The following WASF3 variants were observed in gnomAD, a reference collection of about 807,000 sequenced individuals.
WASF3 encodes the protein actin-binding protein WASF3.
A neutral mutation model predicts 46.6 loss-of-function variants in WASF3; 11 were observed. That is an observed-to-expected ratio of 0.24 (90% CI 0.15 to 0.39). The LOEUF (loss-of-function observed/expected upper bound fraction) is 0.39, where lower values mean the gene tolerates loss of function less well. Ranked by LOEUF, WASF3 falls within the 10% of genes least tolerant of loss-of-function variation. The pLI, the probability that WASF3 is intolerant of heterozygous loss-of-function variation, is 1.00. For missense variants in WASF3, 576 were observed against 669.8 expected (o/e 0.86, Z 1.55); for synonymous variants, 242 against 259.7 (o/e 0.93, Z 0.65).
chr13:26,547,284 C>A, the WASF3 span, among the ~76,000 whole-genome samples: 1 of 151,934 alleles, frequency 6.6e-6, no homozygotes, highest in Non-Finnish European at 1.5e-5. Flanking sequence ...TAAATCTGTG[C>A]AATAATATAG....
rs1400843505 is a variant in WASF3 at position 26,679,888 on chromosome 13, CTG to C, written c.717-1164_717-1163del. ...TTAAGGAAGGAAAAAGGAAAAGAAG[CTG>C]TCTCTTCTCATTTGGAAGGCTTTTC... On this transcript the variant is annotated intron_variant, in intron 7 of 9. Transcript: ENST00000335327. The surrounding 1 kb of genome is among the most constrained non-coding windows in gnomAD (Gnocchi z 4.8). 1 of 841,756 alleles carries C rather than the reference CTG, an allele frequency of 1.2e-6. No homozygotes were observed. The highest frequency in any genetic ancestry group is 2.7e-5 in the East Asian group (1 of 36,472). The allele number at this position is 841,756 out of a possible 1,614,324, so 52.1% of individuals were successfully genotyped here.
At chr13:26,551,229 G>T in the WASF3 span, among the ~76,000 whole-genome samples, 2 of 152,224 alleles carry the variant, frequency 1.3e-5, no homozygotes, top group East Asian at 1.9e-4. Flanking sequence ...CCTGTTAAGC[G>T]TGCAGAACTG....
intron 3 of WASF3, among the ~76,000 whole-genome samples, chr13:26,647,199 G>A (rs542432678): frequency 1.3e-5 from 2 of 148,420 alleles, no homozygotes; most frequent in South Asian, 2.2e-4. Context: ...CATGAATGAC[G>A]ATATAGTTTA....
chr13:26,681,448 T>G, intron 8 of WASF3, 128 bp downstream of exon 8: 1 of 1,112,928 alleles, frequency 9.0e-7, no homozygotes, highest in Non-Finnish European at 1.2e-6. Context: ...TGGATGTAGA[T>G]ACTAGCAACT....
intron 1 of WASF3, among the ~76,000 whole-genome samples, chr13:26,559,813 T>TTCTTTCTTTCTTTC (rs1879232356): frequency 1.1e-5 from 1 of 93,284 alleles, no homozygotes; most frequent in Non-Finnish European, 2.2e-5. Flanking sequence ...TCTTTCTTTT[T>TTCTTTCTTTCTTTC]TTTTTTTTTT....
chr13:26,589,517 A>T (rs1880227875), intron 1 of WASF3, among the ~76,000 whole-genome samples: 1 of 152,182 alleles, frequency 6.6e-6, no homozygotes, highest in African/African-American at 2.4e-5. Context: ...TGCAAGCCTG[A>T]TGTGGCATCG....
chr13:26,542,268 G>T, the WASF3 span, among the ~76,000 whole-genome samples: 3 of 152,182 alleles, frequency 2.0e-5, no homozygotes, highest in African/African-American at 7.2e-5. Context: ...TGCCTTGTGG[G>T]TTATAAATAA....
chr13:26,662,262 A>T (rs1427148552), intron 3 of WASF3, among the ~76,000 whole-genome samples: 1 of 152,270 alleles, frequency 6.6e-6, no homozygotes, highest in East Asian at 1.9e-4. Flanking sequence ...CAAAGAACTT[A>T]AAACAGAACT....
intron 2 of WASF3, among the ~76,000 whole-genome samples, chr13:26,622,975 T>C (rs1483506157): frequency 6.6e-6 from 1 of 152,158 alleles, no homozygotes; most frequent in Non-Finnish European, 1.5e-5. Flanking sequence ...AAGCAATAAC[T>C]TTTCTTAAAT....
rs1883154227 is a variant in WASF3, at chr13:26,679,170, C to T, written c.717-1884C>T. Among the ~76,000 whole-genome samples, 1 of 152,172 alleles carries T rather than the reference C, an allele frequency of 6.6e-6. No homozygotes were observed. Among genetic ancestry groups the T allele is most frequent in the Non-Finnish European group, 1.5e-5 (1 of 68,028 alleles). ...ATCATGAGGCCTCGGGATCTCCACT[C>T]ACCTCCACCTTGGCCGTGCGTCTGC... On this transcript the variant is annotated intron_variant, in intron 7 of 9. Transcript: ENST00000335327. The surrounding 1 kb of genome is among the most constrained non-coding windows in gnomAD (Gnocchi z 4.8).
Position 26,657,064 on chromosome 13 carries a change from G to A in WASF3, c.134-7964G>A, listed in dbSNP as rs577450843. ...CTGCTGGTCTTGTATATACAACAGA[G>A]GGTTGAATTACGACCAGAAGGGGGA... On this transcript the variant is annotated intron_variant, in intron 3 of 9. Transcript: ENST00000335327. Among the ~76,000 whole-genome samples the A allele has an allele frequency of 2.0e-5, 3 of 152,294 alleles. No homozygotes were observed. The South Asian group carries it at 6.2e-4, about 32-fold the overall frequency.
intron 4 of WASF3, among the ~76,000 whole-genome samples, chr13:26,665,957 G>T (rs1882756453): frequency 6.6e-6 from 1 of 152,052 alleles, no homozygotes; most frequent in African/African-American, 2.4e-5. Flanking sequence ...GCTTTGAAAA[G>T]ATCCTAGTGT....
intron 3 of WASF3, among the ~76,000 whole-genome samples, chr13:26,649,716 G>T (rs987259156): frequency 1.3e-5 from 2 of 152,146 alleles, no homozygotes; most frequent in Non-Finnish European, 2.9e-5. Flanking sequence ...AACCTTACCA[G>T]GTTCTTACAT....
chr13:26,680,953 G>A, intron 7 of WASF3, 101 bp from the exon 8 acceptor site: 2 of 1,405,146 alleles, frequency 1.4e-6, no homozygotes, highest in Non-Finnish European at 9.7e-7. Flanking sequence ...TCTGATTTTT[G>A]TGTATTAGCA....
the WASF3 span, among the ~76,000 whole-genome samples, chr13:26,545,301 CT>C: frequency 1.3e-5 from 2 of 152,150 alleles, no homozygotes; most frequent in South Asian, 4.1e-4. Context: ...TTCATTGTCT[CT>C]TTTTATCATT....
chr13:26,643,547 T>C (rs568587055), intron 3 of WASF3, among the ~76,000 whole-genome samples: 1 of 152,334 alleles, frequency 6.6e-6, no homozygotes, highest in East Asian at 1.9e-4. Context: ...TATGATTGAC[T>C]TTTGGTAGTG....
At chr13:26,590,453 C>A (rs781426163) in intron 1 of WASF3, among the ~76,000 whole-genome samples, 1 of 152,076 alleles carries the variant, frequency 6.6e-6, no homozygotes, top group South Asian at 2.1e-4. Flanking sequence ...TTCTTTTTCT[C>A]TTTAAATGTC....
intron 1 of WASF3, among the ~76,000 whole-genome samples, chr13:26,592,035 T>A (rs922791493): frequency 2.6e-5 from 4 of 151,748 alleles, no homozygotes; most frequent in African/African-American, 9.7e-5. Context: ...AGTTTTTTTT[T>A]TTTTTTTTTT....
chr13:26,674,274 G>A lies in WASF3; in HGVS notation c.541-2275G>A, dbSNP rs78863297. On this transcript the variant is annotated intron_variant, in intron 6 of 9. Coordinates refer to ENST00000335327, the MANE Select transcript of WASF3 (RefSeq NM_006646.6). ...CAGCATGCATCTTTTAAAAAGTAAG[G>A]GGAATAGTTATTCATTATTTTTACA... Among the ~76,000 whole-genome samples, 714 of 152,178 alleles carry A rather than the reference G, an allele frequency of 4.7e-3. 7 individuals are homozygous for A. Among genetic ancestry groups the A allele is most frequent in the African/African-American group, 0.016 (682 of 41,528 alleles).
Sources: gnomAD v4.1 joint callset for allele counts (sites outside exome capture counted in the v4.1 genomes callset) on GRCh38, gnomAD v4.1.1 for gene constraint, Gnocchi (gnomAD v3.1) non-coding constraint, MANE v1.5 for transcripts, NCBI Gene and HGNC (gene_info 2026-07-23, HGNC 2026-07-21) for gene names.